Variants in MAP3K21 observed in about 807,000 individuals in gnomAD.
MAP3K21 encodes mitogen-activated protein kinase kinase kinase 21.
MAP3K21 carries 63 observed loss-of-function variants against 86.1 expected under a neutral mutation model. The ratio of observed to expected loss-of-function variants is 0.73; its 90% CI spans 0.60 to 0.90. The LOEUF (loss-of-function observed/expected upper bound fraction) is 0.90. Among genes scored for constraint, MAP3K21 ranks in the 40% least tolerant of loss-of-function variants. The probability of loss-of-function intolerance (pLI) is 0.00; values close to 1 mark genes in which losing one functional copy is unlikely to be tolerated. For missense variants in MAP3K21, 1,220 were observed against 1,367.7 expected, an observed-to-expected ratio of 0.89 and a Z score of 1.70; for synonymous variants, 558 against 564.8, an observed-to-expected ratio of 0.99 and a Z score of 0.17.
intron 8 of MAP3K21, among the ~76,000 whole-genome samples, chr1:233,378,089 T>C (rs1485985047): frequency 1.3e-5 from 2 of 152,216 alleles, no homozygotes; most frequent in African/African-American, 4.8e-5. Context: ...GGCCACGGTA[T>C]CAGTCCATGG....
In MAP3K21 at chr1:233,382,733, T is replaced by C. The variant is rs367723004; in HGVS notation, c.*22T>C. The C allele has an allele frequency of 6.3e-7, 1 of 1,595,558 alleles. No individual in the cohort carries two copies. The highest frequency in any genetic ancestry group is 1.3e-5 in the African/African-American group (1 of 74,534). ...TTAAACTAAGTGCCTTACTGTTGTT[T>C]AAGCATTTTTTTAAGGTGAACAAAT... On this transcript the variant is annotated 3_prime_UTR_variant, in exon 10 of 10. Transcript: ENST00000366624.
intron 3 of MAP3K21, 137 bp downstream of exon 3, chr1:233,354,092 T>A: frequency 9.4e-7 from 1 of 1,064,818 alleles, no homozygotes; most frequent in Non-Finnish European, 1.3e-6. Flanking sequence ...TTTTAAGAAT[T>A]GGAAACCTAG....
chr1:233,328,236 C>G lies in MAP3K21; in HGVS notation c.208C>G (p.Gln70Glu). ...CGGCCAGCTGGTGGAGGTGCTGTCG[C>G]AGGACGCCGCCGTGTCGGGCGACGA... ...RRGQLVEVLS[Q>E]DAAVSGDEGW... The change falls in exon 1 of 10, where the codon CAG becomes GAG. Residue 70 changes from glutamine (Q) to glutamate (E), a missense_variant. By Grantham distance (29) the Gln-to-Glu change is conservative. Transcript: ENST00000366624. The surrounding 1 kb of genome is among the most constrained non-coding windows in gnomAD (Gnocchi z 8.7). 3 of 1,490,584 alleles carry G rather than the reference C, an allele frequency of 2.0e-6. No individual in the cohort carries two copies. Among genetic ancestry groups the G allele is most frequent in the Non-Finnish European group, 2.7e-6 (3 of 1,128,506 alleles). The allele number at this position is 1,490,584 out of a possible 1,614,324, so 92.3% of individuals were successfully genotyped here.
At chr1:233,331,038 A>T (rs920755469) in intron 1 of MAP3K21, among the ~76,000 whole-genome samples, 1 of 152,234 alleles carries the variant, frequency 6.6e-6, no homozygotes, top group Non-Finnish European at 1.5e-5. Context: ...ATGACCCTGG[A>T]ATAATAACTA....
At chr1:233,349,462 C>G (rs1486717240) in intron 2 of MAP3K21, among the ~76,000 whole-genome samples, 2 of 152,170 alleles carry the variant, frequency 1.3e-5, no homozygotes, top group African/African-American at 2.4e-5. Context: ...CGGTCATGCT[C>G]TATAGCAACC....
Position 233,382,670 on chromosome 1 carries a change from C to T in MAP3K21, c.3070C>T (p.Arg1024Trp), listed in dbSNP as rs372766457. 7.0e-5 allele frequency: 113 copies of T among 1,613,898 alleles called. No homozygotes were observed. The highest frequency in any genetic ancestry group is 1.7e-4 in the Admixed American group (10 of 59,990). Residue 1024 changes from arginine (R) to tryptophan (W), a missense_variant, in exon 10 of 10, where the codon CGG becomes TGG. By Grantham distance (101) the Arg-to-Trp change is moderately radical. Around this residue, in one of 5 missense-constraint regions of MAP3K21, gnomAD observed 632 missense variants for 691.3 expected, o/e 0.91. Coordinates refer to ENST00000366624, the MANE Select transcript of MAP3K21 (RefSeq NM_032435.3). ...PLCRMRSKTS[R>W]PSIYELEKEF... ...GTGCAGAATGAGGAGCAAAACCAGCCGGCCATCTATATATGAACTGGAGAA... is the reference window on the plus strand; with the variant it reads ...GTGCAGAATGAGGAGCAAAACCAGCTGGCCATCTATATATGAACTGGAGAA...
intron 7 of MAP3K21, 79 bp downstream of exon 7, chr1:233,376,145 T>A: frequency 7.2e-6 from 9 of 1,248,914 alleles, no homozygotes; most frequent in Non-Finnish European, 1.0e-5. Context: ...TCAGCCAGAC[T>A]TTCAAAAAGC....
chr1:233,367,318 T>C (rs770107218), intron 5 of MAP3K21, among the ~76,000 whole-genome samples: 5 of 152,206 alleles, frequency 3.3e-5, no homozygotes, highest in Non-Finnish European at 5.9e-5. Context: ...AGCCTCCCAC[T>C]GAGGCAATTA....
In MAP3K21 at chr1:233,379,179, G is replaced by A. The variant is rs76363344; in HGVS notation, c.2173G>A (p.Gly725Arg). The change falls in exon 9 of 10, where the codon GGG becomes AGG. Residue 725 changes from glycine to arginine, a missense_variant. Coordinates refer to ENST00000366624, the MANE Select transcript of MAP3K21 (RefSeq NM_032435.3). ...QRKKTESALY[G>R]CTVLLASVAL... is the part of the protein sequence containing the mutation. The stretch of plus-strand genomic sequence containing the variant: ...AAAGAAAACGGAGTCAGCTCTGTAT[G>A]GGTGCACCGTCCTTCTGGCATCGGT... The A allele has an allele frequency of 1.4e-4, 234 of 1,614,216 alleles. 1 individual carries two copies. In the East Asian group the frequency reaches 5.1e-3, roughly 35 times the overall value.
chr1:233,343,813 A>C (rs1319820154), intron 1 of MAP3K21, among the ~76,000 whole-genome samples: 1 of 152,188 alleles, frequency 6.6e-6, no homozygotes, highest in Non-Finnish European at 1.5e-5. Context: ...TAAAATACCT[A>C]CAACCTCACC....
chr1:233,328,708 G>T lies in MAP3K21; in HGVS notation c.680G>T (p.Arg227Leu). Residue 227 changes from arginine to leucine, a missense_variant, in exon 1 of 10, where the codon CGC becomes CTC. Physicochemically the swap from Arg to Leu is moderately radical, Grantham distance 102. Transcript: ENST00000366624. The surrounding 1 kb of genome is among the most constrained non-coding windows in gnomAD (Gnocchi z 8.7). The part of the protein sequence containing the change: ...AAPDPRAPGP[R>L]RARRIPPHVL... ...CCGGACCCGCGCGCGCCCGGCCCCC[G>T]CCGCGCGCGCCGCATCCCTCCGCAC... is the stretch of plus-strand genomic sequence containing the variant. 7.5e-7 allele frequency: 1 copy of T among 1,341,922 alleles called. No individual in the cohort carries two copies. The highest frequency in any genetic ancestry group is 9.6e-7 in the Non-Finnish European group (1 of 1,036,546). 83.1% of individuals were successfully genotyped at this position (1,341,922 alleles called of 1,614,324 possible).
intron 8 of MAP3K21, among the ~76,000 whole-genome samples, chr1:233,376,846 G>A (rs1663807376): frequency 6.6e-6 from 1 of 152,128 alleles, no homozygotes; most frequent in Non-Finnish European, 1.5e-5. Flanking sequence ...AGACCCCCCT[G>A]AAAGTTCTGC....
rs1038628662 is a variant in MAP3K21, at chr1:233,382,785, G to A, written c.*74G>A. The A allele has an allele frequency of 1.5e-6, 2 of 1,296,426 alleles. No individual in the cohort carries two copies. The highest frequency in any genetic ancestry group is 1.5e-5 in the African/African-American group (1 of 67,874). 80.3% of individuals were successfully genotyped at this position (1,296,426 alleles called of 1,614,324 possible). Reference sequence around the variant, plus strand: ...AACACAATGTATCTACCTTTGAACTGTTTCATGCTGCTGTGTTTTCAAAAG... The same window carrying A: ...AACACAATGTATCTACCTTTGAACTATTTCATGCTGCTGTGTTTTCAAAAG... On this transcript the variant is annotated 3_prime_UTR_variant, in exon 10 of 10. Coordinates refer to ENST00000366624, the MANE Select transcript of MAP3K21 (RefSeq NM_032435.3).
intron 5 of MAP3K21, 42 bp downstream of exon 5, chr1:233,362,335 C>T: frequency 6.2e-7 from 1 of 1,601,460 alleles, no homozygotes; most frequent in Non-Finnish European, 8.5e-7. Flanking sequence ...TTTTGTGTGT[C>T]CTCCTTTTAA....
intron 9 of MAP3K21, among the ~76,000 whole-genome samples, chr1:233,380,822 T>C (rs916079168): frequency 2.6e-5 from 4 of 152,144 alleles, no homozygotes; most frequent in Non-Finnish European, 5.9e-5. Flanking sequence ...AATTAGGAAG[T>C]AGTGGTGTCA....
In MAP3K21 at chr1:233,354,938, C is replaced by A. The variant is rs774523337; in HGVS notation, c.1238C>A (p.Ser413Tyr). ...GAVMTEMPQESFHSMQDDWKL... is the reference protein window; with the variant it reads ...GAVMTEMPQEYFHSMQDDWKL... The stretch of plus-strand genomic sequence containing the variant: ...GTGATGACTGAGATGCCTCAAGAAT[C>A]TTTTCATTCCATGCAAGATGACTGG... Residue 413 changes from serine to tyrosine, a missense_variant, in exon 4 of 10, where the codon TCT becomes TAT. Ser to Tyr is a moderately radical substitution (Grantham distance 144, BLOSUM62 -2). Coordinates refer to ENST00000366624, the MANE Select transcript of MAP3K21 (RefSeq NM_032435.3). 1.2e-6 allele frequency: 2 copies of A among 1,613,962 alleles called. No homozygotes were observed. Among genetic ancestry groups the A allele is most frequent in the Admixed American group, 3.3e-5 (2 of 60,016 alleles).
intron 5 of MAP3K21, among the ~76,000 whole-genome samples, chr1:233,364,878 CT>C (rs1663545174): frequency 6.6e-6 from 1 of 152,074 alleles, no homozygotes; most frequent in Non-Finnish European, 1.5e-5. Flanking sequence ...TGACAGTTAC[CT>C]CTTCTGCCCA....
intron 1 of MAP3K21, among the ~76,000 whole-genome samples, chr1:233,333,010 G>A (rs1434640198): frequency 3.8e-5 from 4 of 105,112 alleles, no homozygotes; most frequent in Non-Finnish European, 8.3e-5. Flanking sequence ...AACTACAATA[G>A]TTGTATTTAT....
intron 2 of MAP3K21, among the ~76,000 whole-genome samples, chr1:233,352,169 G>C (rs1278399518): frequency 6.6e-6 from 1 of 152,146 alleles, no homozygotes; most frequent in Non-Finnish European, 1.5e-5. Context: ...TTACAGGCGT[G>C]AACTGCCATG....
Sources: gnomAD v4.1 joint callset for allele counts (sites outside exome capture counted in the v4.1 genomes callset) on GRCh38, gnomAD v4.1.1 for gene constraint, gnomAD v4.1.1 regional missense constraint, Gnocchi (gnomAD v3.1) non-coding constraint, MANE v1.5 for transcripts, NCBI Gene and HGNC (gene_info 2026-07-23, HGNC 2026-07-21) for gene names.